Variants in ABLIM3 observed in about 807,000 individuals in gnomAD.
ABLIM3 encodes actin binding LIM protein family member 3.
A neutral mutation model predicts 109.5 loss-of-function variants in ABLIM3; 61 were observed. The observed-to-expected ratio is 0.56, with a 90% CI of 0.45 to 0.69. The LOEUF (loss-of-function observed/expected upper bound fraction) is 0.69, where lower values mean the gene tolerates loss of function less well. ABLIM3 is among the 30% of genes least tolerant of loss of function. ABLIM3 has a pLI of 0.00. For missense variants in ABLIM3, 796 were observed against 889.5 expected (o/e 0.89, Z 1.34); for synonymous variants, 300 against 324.8 (o/e 0.92, Z 0.82).
intron 23 of ABLIM3, 71 bp downstream of exon 23, chr5:149,252,908 C>CCCTCTTGAGCTGGATTA: frequency 8.4e-7 from 1 of 1,188,444 alleles, no homozygotes; most frequent in Non-Finnish European, 1.3e-6. Context: ...TATAATCCAG[C>CCCTCTTGAGCTGGATTA]TCAAGAGGGC....
chr5:149,240,460 G>C, intron 13 of ABLIM3: 1 of 582,798 alleles, frequency 1.7e-6, no homozygotes. Context: ...TCTGACTTTG[G>C]GATCAAGCCA....
At chr5:149,148,807 T>C (rs1753164810) in intron 2 of ABLIM3, among the ~76,000 whole-genome samples, 1 of 152,208 alleles carries the variant, frequency 6.6e-6, no homozygotes, top group African/African-American at 2.4e-5. Flanking sequence ...GGTTTGCTCC[T>C]GCTGACTTTA....
rs899484100 is a variant in ABLIM3 at position 149,259,184 on chromosome 5, G to A, written c.*780G>A. On this transcript the variant is annotated 3_prime_UTR_variant, in exon 24 of 24. Transcript: ENST00000309868. ...AGAGGGAGCGGAAGTGGGAGATGGA[G>A]CAGGGCACCTGTTAGAATCAGAGCT... is the stretch of plus-strand genomic sequence containing the variant. The A allele has an allele frequency of 2.2e-5, 23 of 1,068,008 alleles. No individual in the cohort carries two copies. The African/African-American group carries it at 3.2e-4, about 15-fold the overall frequency. 66.2% of individuals were successfully genotyped at this position (1,068,008 alleles called of 1,614,324 possible).
At position 149,217,174 on chromosome 5, in the gene ABLIM3, A is replaced by C. The variant is rs1175117056; in HGVS notation, c.757+128A>C. The C allele has an allele frequency of 3.6e-6, 3 of 838,654 alleles. No homozygotes were observed. The African/African-American group carries it at 5.0e-5, about 14-fold the overall frequency. 52.0% of individuals were successfully genotyped at this position (838,654 alleles called of 1,614,324 possible). On this transcript the variant is annotated intron_variant, in intron 8 of 23. Coordinates refer to ENST00000309868, the MANE Select transcript of ABLIM3 (RefSeq NM_014945.5). ...ATCTTGGCTTTTGCCTTGTCCTCAG[A>C]ATTGCAATTAATTGGCCCCTCTCTG...
chr5:149,233,081 A>G (rs1762015430), intron 9 of ABLIM3, 148 bp from the exon 10 acceptor site: 1 of 710,078 alleles, frequency 1.4e-6, no homozygotes, highest in South Asian at 1.8e-5. Context: ...CCTTGACTTG[A>G]AAGACAGAGA....
chr5:149,200,701 C>T (rs1175291790), intron 5 of ABLIM3: 4 of 471,200 alleles, frequency 8.5e-6, no homozygotes, highest in African/African-American at 1.9e-5. Context: ...AAGCTGAGTT[C>T]CTGATCTTAT....
chr5:149,253,880 G>A (rs1484462042), intron 23 of ABLIM3, among the ~76,000 whole-genome samples: 1 of 152,122 alleles, frequency 6.6e-6, no homozygotes, highest in African/African-American at 2.4e-5. Context: ...CCTGAGACTG[G>A]GTAATTTATA....
intron 8 of ABLIM3, 103 bp downstream of exon 8, chr5:149,217,149 A>G: frequency 8.6e-7 from 1 of 1,166,902 alleles, no homozygotes; most frequent in South Asian, 1.3e-5. Flanking sequence ...GTTCAGTGTT[A>G]TCTTGGCTTT....
chr5:149,238,950 TG>T, intron 11 of ABLIM3, among the ~76,000 whole-genome samples: 1 of 152,328 alleles, frequency 6.6e-6, no homozygotes, highest in East Asian at 1.9e-4. Flanking sequence ...CACAGAAGCC[TG>T]GGTCCAAGTC....
At chr5:149,151,097 C>G (rs1753391889) in intron 2 of ABLIM3, among the ~76,000 whole-genome samples, 2 of 152,210 alleles carry the variant, frequency 1.3e-5, no homozygotes. Context: ...TTTTATAGCT[C>G]TGGTGGCTAA....
chr5:149,249,511 G>A (rs567521231), intron 18 of ABLIM3, among the ~76,000 whole-genome samples: 4 of 152,320 alleles, frequency 2.6e-5, no homozygotes, highest in Admixed American at 1.3e-4. Context: ...CCCTGGCTGC[G>A]GGGTCTGTGC....
intron 9 of ABLIM3, among the ~76,000 whole-genome samples, chr5:149,232,706 A>T (rs1761974759): frequency 6.6e-6 from 1 of 152,188 alleles, no homozygotes; most frequent in African/African-American, 2.4e-5. Context: ...GACTGGCATC[A>T]TGCTGCTCTG....
chr5:149,203,969 G>C (rs932424167), intron 5 of ABLIM3, among the ~76,000 whole-genome samples: 2 of 152,214 alleles, frequency 1.3e-5, no homozygotes, highest in Admixed American at 1.3e-4. Flanking sequence ...ACTAGAATGT[G>C]AGACCAGCCA....
chr5:149,160,930 C>T (rs1754303610), intron 2 of ABLIM3, among the ~76,000 whole-genome samples: 1 of 152,206 alleles, frequency 6.6e-6, no homozygotes, highest in Non-Finnish European at 1.5e-5. Flanking sequence ...AGAATGAATG[C>T]CCGTGTTCAT....
In ABLIM3 at chr5:149,203,623, C is replaced by T. The variant is rs531009664; in HGVS notation, c.448+3195C>T. 2.0e-5 allele frequency among the ~76,000 whole-genome samples: 3 copies of T among 152,170 alleles called. No individual in the cohort carries two copies. The East Asian group carries it at 5.8e-4, about 30-fold the overall frequency. On this transcript the variant is annotated intron_variant, in intron 5 of 23. Coordinates refer to ENST00000309868, the MANE Select transcript of ABLIM3 (RefSeq NM_014945.5). Reference sequence around the variant, plus strand: ...ACCATTGTCACCACCAACACAATCACCACCACCTTCGCCAACGCTACCATA... The same window carrying T: ...ACCATTGTCACCACCAACACAATCATCACCACCTTCGCCAACGCTACCATA...
intron 14 of ABLIM3, among the ~76,000 whole-genome samples, chr5:149,241,767 A>G (rs570326160): frequency 6.6e-6 from 1 of 152,284 alleles, no homozygotes; most frequent in African/African-American, 2.4e-5. Context: ...TCAAAAAGAA[A>G]AAAAGATGAA....
intron 2 of ABLIM3, among the ~76,000 whole-genome samples, chr5:149,150,560 G>A (rs530439356): frequency 9.2e-5 from 14 of 152,238 alleles, no homozygotes; most frequent in East Asian, 5.8e-4. Context: ...CTTGGATTGC[G>A]TAAAGGAAGT....
At chr5:149,189,221 A>C (rs1757255003) in intron 3 of ABLIM3, among the ~76,000 whole-genome samples, 1 of 152,180 alleles carries the variant, frequency 6.6e-6, no homozygotes. Context: ...TTGATTGAAG[A>C]CCTAAATGTA....
chr5:149,193,102 AAAAG>A (rs1350710651), intron 3 of ABLIM3, among the ~76,000 whole-genome samples: 7 of 152,184 alleles, frequency 4.6e-5, no homozygotes, highest in Non-Finnish European at 1.0e-4. Flanking sequence ...CTAAAACAAA[AAAAG>A]AAAAGAAAAA....
Sources: gnomAD v4.1 joint callset for allele counts (sites outside exome capture counted in the v4.1 genomes callset) on GRCh38, gnomAD v4.1.1 for gene constraint, MANE v1.5 for transcripts, NCBI Gene and HGNC (gene_info 2026-07-23, HGNC 2026-07-21) for gene names.